Variants in EPPK1 observed in about 807,000 individuals in gnomAD.
EPPK1 encodes the protein epiplakin 1.
For missense variants in EPPK1, 3,823 were observed against 3,673.3 expected, an observed-to-expected ratio of 1.04 and a Z score of -1.05; for synonymous variants, 1,862 against 1,721.2, an observed-to-expected ratio of 1.08 and a Z score of -2.03.
upstream of EPPK1, among the ~76,000 whole-genome samples, chr8:143,878,867 G>A (rs1415608756): frequency 2.0e-5 from 3 of 151,992 alleles, no homozygotes; most frequent in African/African-American, 4.8e-5. Context: ...AGCTTCCTGG[G>A]GACGCTGCTT....
chr8:143,872,753 C>T lies in EPPK1; in HGVS notation c.501G>A (p.Val167=). The T allele has an allele frequency of 6.3e-7, 1 of 1,592,522 alleles. No individual in the cohort carries two copies. Among genetic ancestry groups the T allele is most frequent in the African/African-American group, 1.3e-5 (1 of 74,716 alleles). The change falls in exon 2 of 2, where the codon GTG becomes GTA. Residue 167 remains valine (V), a synonymous_variant. Transcript: ENST00000615648. ...GGCAGGCTGGCTCAGGGGCCACGAG[C>T]ACTCCCTGGGCGGGGTCCACCAGGC... The part of the protein sequence containing the change: ...TGGLVDPAQG[V]LVAPEPACHQ...
chr8:143,857,919 A>AAAAAAC lies in EPPK1; in HGVS notation c.*67_*68insGTTTTT. On this transcript the variant is annotated 3_prime_UTR_variant, in exon 2 of 2. Transcript: ENST00000615648. ...GACAAAAAAAAAAAAAAAAAAAAAA[A>AAAAAAC]CAACCCAGACACACAAGTATGCCTC... 1.4e-6 allele frequency: 1 copy of AAAAAAC among 732,010 alleles called. No homozygotes were observed. Among genetic ancestry groups the AAAAAAC allele is most frequent in the Non-Finnish European group, 2.0e-6 (1 of 501,858 alleles). 45.3% of individuals were successfully genotyped at this position (732,010 alleles called of 1,614,324 possible). A position where few individuals can be genotyped will look rare whatever the true frequency, so the allele number is the denominator to read the frequency against.
Position 143,870,018 on chromosome 8 carries a change from C to T in EPPK1, c.3236G>A (p.Ser1079Asn), listed in dbSNP as rs782598709. ...VDQEMETALS[S>N]SSETFPTPDG... is the part of the protein sequence containing the mutation. ...CGGTGTGGGGAAGGTTTCGGAGGAGCTGGACAAGGCTGTCTCCATCTCCTG... is the reference window on the plus strand; with the variant it reads ...CGGTGTGGGGAAGGTTTCGGAGGAGTTGGACAAGGCTGTCTCCATCTCCTG... The change falls in exon 2 of 2, where the codon AGC becomes AAC. Residue 1079 changes from serine to asparagine, a missense_variant. Transcript: ENST00000615648. This position sits in a 1 kb window ranked among gnomAD's most constrained non-coding sequence, Gnocchi z 5.2. 6.2e-7 allele frequency: 1 copy of T among 1,610,244 alleles called. No homozygotes were observed. Among genetic ancestry groups the T allele is most frequent in the East Asian group, 2.2e-5 (1 of 44,842 alleles).
chr8:143,866,462 C>T lies in EPPK1; in HGVS notation c.6792G>A (p.Glu2264=). ...LRPGTALVLL[E]AQAATGFVID... ...TGACGAAGCCGGTGGCCGCCTGCGCCTCCAGCAGCACCAGGGCCGTGCCGG... is the reference window on the plus strand; with the variant it reads ...TGACGAAGCCGGTGGCCGCCTGCGCTTCCAGCAGCACCAGGGCCGTGCCGG... Residue 2264 remains glutamate (E), a synonymous_variant, in exon 2 of 2, where the codon GAG becomes GAA. Coordinates refer to ENST00000615648, the MANE Select transcript of EPPK1 (RefSeq NM_031308.4). 2.0e-6 allele frequency: 3 copies of T among 1,478,814 alleles called. No homozygotes were observed. Among genetic ancestry groups the T allele is most frequent in the Non-Finnish European group, 2.7e-6 (3 of 1,110,206 alleles). The allele number at this position is 1,478,814 out of a possible 1,614,324, so 91.6% of individuals were successfully genotyped here. A position where few individuals can be genotyped will look rare whatever the true frequency, so the allele number is the denominator to read the frequency against.
At chr8:143,876,957 C>A (rs988961183) in intron 1 of EPPK1, among the ~76,000 whole-genome samples, 1 of 152,206 alleles carries the variant, frequency 6.6e-6, no homozygotes, top group African/African-American at 2.4e-5. Flanking sequence ...AGGCCGCCAG[C>A]CCAGACAGGC....
In EPPK1 at chr8:143,857,865, G is replaced by C. The variant is rs946406798; in HGVS notation, c.*122C>G. On this transcript the variant is annotated 3_prime_UTR_variant, in exon 2 of 2. Coordinates refer to ENST00000615648, the MANE Select transcript of EPPK1 (RefSeq NM_031308.4). ...ACTTAAAACGTTTTCCACAGATAAC[G>C]AATGGGTAAAACAACAAAATTAAAG... 3 of 671,502 alleles carry C rather than the reference G, an allele frequency of 4.5e-6. No individual in the cohort carries two copies. The highest frequency in any genetic ancestry group is 2.2e-6 in the Non-Finnish European group (1 of 461,612). The allele number at this position is 671,502 out of a possible 1,614,324, so 41.6% of individuals were successfully genotyped here. A position where few individuals can be genotyped will look rare whatever the true frequency, so the allele number is the denominator to read the frequency against.
Position 143,868,879 on chromosome 8 carries a change from T to C in EPPK1, c.4375A>G (p.Thr1459Ala). The C allele has an allele frequency of 1.2e-6, 2 of 1,610,798 alleles. No individual in the cohort carries two copies. Among genetic ancestry groups the C allele is most frequent in the Middle Eastern group, 1.6e-4 (1 of 6,062 alleles). The change falls in exon 2 of 2, where the codon ACA becomes GCA. Residue 1459 changes from threonine to alanine, a missense_variant. Transcript: ENST00000615648. ...ACGCTACACCCCTTAAACCTCCCTG[T>C]GCTGACGGGCACCTTCATGGCCCTC... Reference protein sequence around the residue: ...ALRAMKVPVSTGRFKGCSVSL... With the variant: ...ALRAMKVPVSAGRFKGCSVSL...
In EPPK1 at chr8:143,869,043, A is replaced by C; in HGVS notation, c.4211T>G (p.Phe1404Cys). ...CACCTGGTCCCGCGCACTGGGGTCA[A>C]AGAAGAACTTGTTGTCCTTGTCAAC... ...TAVDKDNKFF[F>C]DPSARDQVTY... is the part of the protein sequence containing the mutation. Residue 1404 changes from phenylalanine to cysteine, a missense_variant, in exon 2 of 2, where the codon TTT becomes TGT. Coordinates refer to ENST00000615648, the MANE Select transcript of EPPK1 (RefSeq NM_031308.4). The C allele has an allele frequency of 6.2e-7, 1 of 1,609,632 alleles. No individual in the cohort carries two copies. The highest frequency in any genetic ancestry group is 8.5e-7 in the Non-Finnish European group (1 of 1,179,808).
rs782297025 is a variant in EPPK1 at position 143,869,618 on chromosome 8, GCCAGCAT to G, written c.3629_3635del (p.Asp1210AlafsTer27). The G allele has an allele frequency of 2.0e-5, 31 of 1,579,222 alleles. No individual in the cohort carries two copies. The highest frequency in any genetic ancestry group is 2.7e-5 in the Non-Finnish European group (31 of 1,163,038). On this transcript the variant is annotated frameshift_variant, in exon 2 of 2. Transcript: ENST00000615648. LOFTEE classifies it low-confidence loss of function (END_TRUNC). ...CCTCAAGGGTCTCCTGGGTGATGAT[GCCAGCAT>G]CCAGCAGCCAGACAGCGGGTACCTC...
rs1586697284 is a variant in EPPK1 at position 143,870,920 on chromosome 8, G to C, written c.2334C>G (p.Tyr778Ter). Reference protein sequence around the residue: ...FDPNTHENLTYLQLLERCVRD... With the variant: ...FDPNTHENLT ...GCACACAGCGCTCCAGAAGCTGCAG[G>C]TACGTGAGGTTCTCGTGCGTGTTGG... The change falls in exon 2 of 2, where the codon TAC becomes TAG. Residue 778 changes from tyrosine to a stop codon, truncating the protein, a stop_gained. Coordinates refer to ENST00000615648, the MANE Select transcript of EPPK1 (RefSeq NM_031308.4). LOFTEE classifies it low-confidence loss of function (END_TRUNC). The surrounding 1 kb of genome is among the most constrained non-coding windows in gnomAD (Gnocchi z 5.2). 1 of 1,613,472 alleles carries C rather than the reference G, an allele frequency of 6.2e-7. No individual in the cohort carries two copies. Among genetic ancestry groups the C allele is most frequent in the South Asian group, 1.1e-5 (1 of 91,084 alleles).
In EPPK1 at chr8:143,869,774, G is replaced by T. The variant is rs782482098; in HGVS notation, c.3480C>A (p.Gly1160=). ...SCHFTEEQRR[G]LLEDVQEGRT... ...TCCCCTCCTGCACGTCCTCCAGCAG[G>T]CCCCTCCGTTGCTCCTCGGTGAAGT... The change falls in exon 2 of 2, where the codon GGC becomes GGA. Residue 1160 remains glycine (G), a synonymous_variant. Transcript: ENST00000615648. 1 of 1,604,622 alleles carries T rather than the reference G, an allele frequency of 6.2e-7. No individual in the cohort carries two copies. Among genetic ancestry groups the T allele is most frequent in the Non-Finnish European group, 8.5e-7 (1 of 1,176,480 alleles).
intron 1 of EPPK1, among the ~76,000 whole-genome samples, chr8:143,876,770 G>A (rs934881636): frequency 6.6e-6 from 1 of 152,232 alleles, no homozygotes; most frequent in Admixed American, 6.5e-5. Flanking sequence ...GGGGGTCAGG[G>A]CCCTGCCCTG....
Position 143,869,566 on chromosome 8 carries a change from C to T in EPPK1, c.3688G>A (p.Ala1230Thr), listed in dbSNP as rs782752879. 144 of 1,557,762 alleles carry T rather than the reference C, an allele frequency of 9.2e-5. No individual in the cohort carries two copies. The highest frequency in any genetic ancestry group is 1.0e-4 in the Non-Finnish European group (121 of 1,153,104). Residue 1230 changes from alanine (A) to threonine (T), a missense_variant, in exon 2 of 2, where the codon GCC becomes ACC. Coordinates refer to ENST00000615648, the MANE Select transcript of EPPK1 (RefSeq NM_031308.4). ...ACCGCCGGCTGCTCGGCGACCTGGG[C>T]GGGCGACTGCGTGCCCTGAGCCAGG... ...EALAQGTQSP[A>T]QVAEQPAVKA...
In EPPK1 at chr8:143,871,056, A is replaced by G; in HGVS notation, c.2198T>C (p.Val733Ala). ...QIATGGVIDP[V>A]HSHRVPVDVA... ...GTCCACGGGCACGCGGTGGCTGTGC[A>G]CGGGGTCGATGACGCCGCCCGTGGC... Residue 733 changes from valine (V) to alanine (A), a missense_variant, in exon 2 of 2, where the codon GTG becomes GCG. By Grantham distance (64) the Val-to-Ala change is moderately conservative. Coordinates refer to ENST00000615648, the MANE Select transcript of EPPK1 (RefSeq NM_031308.4). 2 of 1,612,938 alleles carry G rather than the reference A, an allele frequency of 1.2e-6. No homozygotes were observed. Among genetic ancestry groups the G allele is most frequent in the Non-Finnish European group, 1.7e-6 (2 of 1,179,922 alleles).
In EPPK1 at chr8:143,870,611, G is replaced by A. The variant is rs915220903; in HGVS notation, c.2643C>T (p.Pro881=). The change falls in exon 2 of 2, where the codon CCC becomes CCT. Residue 881 remains proline (P), a synonymous_variant. Coordinates refer to ENST00000615648, the MANE Select transcript of EPPK1 (RefSeq NM_031308.4). This position sits in a 1 kb window ranked among gnomAD's most constrained non-coding sequence, Gnocchi z 5.2. ...ETQRQADIML[P]ALRSRVTVHQ... is the part of the protein sequence containing the mutation. ...GGACGGTGACCCGGCTCCGCAGTGC[G>A]GGCAGCATGATGTCCGCCTGTCTCT... The A allele has an allele frequency of 3.2e-5, 52 of 1,606,910 alleles. No individual in the cohort carries two copies. Among genetic ancestry groups the A allele is most frequent in the East Asian group, 1.3e-4 (6 of 44,500 alleles).
In EPPK1 at chr8:143,867,399, T is replaced by A; in HGVS notation, c.5855A>T (p.Asp1952Val). The A allele has an allele frequency of 1.9e-6, 3 of 1,612,834 alleles. No homozygotes were observed. The highest frequency in any genetic ancestry group is 2.5e-6 in the Non-Finnish European group (3 of 1,179,852). Residue 1952 changes from aspartate to valine, a missense_variant, in exon 2 of 2, where the codon GAT (aspartate) becomes GTT (valine). Physicochemically the swap from Asp to Val is radical, Grantham distance 152 (BLOSUM62 -3). Coordinates refer to ENST00000615648, the MANE Select transcript of EPPK1 (RefSeq NM_031308.4). ...CACCAGGCCCACATCCACAGCCTCA[T>A]CCACAGAGAGCTTCTGGCGGGTGCA... is the stretch of plus-strand genomic sequence containing the variant. The part of the protein sequence containing the change: ...DPCTRQKLSV[D>V]EAVDVGLVNE...
In EPPK1 at chr8:143,869,907, G is replaced by A. The variant is rs782080796; in HGVS notation, c.3347C>T (p.Pro1116Leu). 8.7e-6 allele frequency: 14 copies of A among 1,608,940 alleles called. No homozygotes were observed. Among genetic ancestry groups the A allele is most frequent in the Non-Finnish European group, 1.1e-5 (13 of 1,178,344 alleles). ...GGTGGGGAGGGCAGGAGCACTTTCT[G>A]GCAGGGGCAGGAGGTGAAGGCCAGA... Reference protein sequence around the residue: ...ETSGLHLLPLPESAPALPTEE... With the variant: ...ETSGLHLLPLLESAPALPTEE... Residue 1116 changes from proline (P) to leucine (L), a missense_variant, in exon 2 of 2, where the codon CCA (proline) becomes CTA (leucine). Physicochemically the swap from Pro to Leu is moderately conservative, Grantham distance 98 (BLOSUM62 -3). Coordinates refer to ENST00000615648, the MANE Select transcript of EPPK1 (RefSeq NM_031308.4).
At position 143,869,825 on chromosome 8, in the gene EPPK1, G is replaced by C; in HGVS notation, c.3429C>G (p.Ser1143=). The change falls in exon 2 of 2, where the codon TCC becomes TCG. Residue 1143 remains serine (S), a synonymous_variant. Coordinates refer to ENST00000615648, the MANE Select transcript of EPPK1 (RefSeq NM_031308.4). The part of the protein sequence containing the change: ...QAVPGAKDGT[S]LWDLLSSCHF... ...GGCAGGAGCTGAGCAGGTCCCAGAGGGATGTGCCATCCTTGGCCCCCGGCA... is the reference window on the plus strand; with the variant it reads ...GGCAGGAGCTGAGCAGGTCCCAGAGCGATGTGCCATCCTTGGCCCCCGGCA... 6.3e-7 allele frequency: 1 copy of C among 1,599,992 alleles called. No individual in the cohort carries two copies. The highest frequency in any genetic ancestry group is 8.5e-7 in the Non-Finnish European group (1 of 1,174,440).
Position 143,869,322 on chromosome 8 carries a change from C to T in EPPK1, c.3932G>A (p.Arg1311Lys). Residue 1311 changes from arginine to lysine, a missense_variant, in exon 2 of 2, where the codon AGG becomes AAG. Transcript: ENST00000615648. The stretch of plus-strand genomic sequence containing the variant: ...CTGCCCGAGCTGCTCACTCAGCTCC[C>T]TGCCCACCAGGCCGACCTTAACCGC... ...EDAVKVGLVG[R>K]ELSEQLGQAE... is the part of the protein sequence containing the mutation. 1 of 1,606,732 alleles carries T rather than the reference C, an allele frequency of 6.2e-7. No individual in the cohort carries two copies.
Sources: allele counts gnomAD v4.1 joint callset (sites outside exome capture counted in the v4.1 genomes callset), GRCh38; gene constraint gnomAD v4.1.1; non-coding constraint Gnocchi (gnomAD v3.1); transcripts MANE v1.5; gene names NCBI Gene and HGNC (gene_info 2026-07-23, HGNC 2026-07-21).